BRINP2: variants seen among roughly 807,000 people sequenced by gnomAD.
The protein encoded by BRINP2 is BMP/retinoic acid-inducible neural-specific protein 2.
In BRINP2, 21 loss-of-function variants were observed where a neutral mutation model predicts 69.2. That is an observed-to-expected ratio of 0.30 (90% CI 0.22 to 0.44). The LOEUF (loss-of-function observed/expected upper bound fraction) is 0.44, where lower values mean the gene tolerates loss of function less well. Ranked by LOEUF, BRINP2 falls within the 20% of genes least tolerant of loss-of-function variation. BRINP2 has a pLI of 1.00. For missense variants in BRINP2, 877 were observed against 986.0 expected (o/e 0.89, Z 1.48); for synonymous variants, 380 against 394.1 (o/e 0.96, Z 0.42).
chr1:177,269,347 CT>C (rs1429631812), intron 4 of BRINP2, among the ~76,000 whole-genome samples: 8 of 152,356 alleles, frequency 5.3e-5, no homozygotes, highest in Non-Finnish European at 1.2e-4. Context: ...CATAGACATC[CT>C]GTCCATAATT....
rs559899072 is a variant in BRINP2 at position 177,239,000 on chromosome 1, G to A, written c.269+8855G>A. 5.9e-5 allele frequency among the ~76,000 whole-genome samples: 9 copies of A among 152,336 alleles called. No homozygotes were observed. The South Asian group carries it at 1.7e-3, about 28-fold the overall frequency. On this transcript the variant is annotated intron_variant, in intron 2 of 7. Coordinates refer to ENST00000361539, the MANE Select transcript of BRINP2 (RefSeq NM_021165.4). ...ACATAACTGATAAGAGGAAGAGCCA[G>A]CACTCAACCAATAAGACAGGGAACC...
chr1:177,234,103 C>A (rs1318843928), intron 2 of BRINP2, among the ~76,000 whole-genome samples: 1 of 152,192 alleles, frequency 6.6e-6, no homozygotes, highest in East Asian at 1.9e-4. Flanking sequence ...GCTAGAAGAA[C>A]AGAGGTCCTG....
At chr1:177,208,510 G>A (rs1367093801) in intron 1 of BRINP2, among the ~76,000 whole-genome samples, 1 of 152,178 alleles carries the variant, frequency 6.6e-6, no homozygotes, top group African/African-American at 2.4e-5. Flanking sequence ...CTAACTGCTG[G>A]TAACTGCCCT....
chr1:177,268,374 C>A (rs1651195493), intron 4 of BRINP2, among the ~76,000 whole-genome samples: 1 of 152,204 alleles, frequency 6.6e-6, no homozygotes. Context: ...TGGCTTCCAG[C>A]ACATTCATTA....
intron 1 of BRINP2, among the ~76,000 whole-genome samples, chr1:177,181,490 G>A (rs1174228687): frequency 3.9e-5 from 6 of 152,180 alleles, no homozygotes; most frequent in Non-Finnish European, 7.3e-5. Context: ...AGAGCGCGGA[G>A]ACTCCTGCTA....
chr1:177,206,926 A>T (rs916513765), intron 1 of BRINP2, among the ~76,000 whole-genome samples: 17 of 152,192 alleles, frequency 1.1e-4, no homozygotes, highest in African/African-American at 3.4e-4. Flanking sequence ...AGAAACATAC[A>T]GCCCCAGAGC....
chr1:177,214,208 G>C (rs1007510170), intron 1 of BRINP2, among the ~76,000 whole-genome samples: 3 of 152,124 alleles, frequency 2.0e-5, no homozygotes, highest in African/African-American at 7.2e-5. Context: ...GAGGTGGGTG[G>C]ATCATCTGAG....
At chr1:177,278,319 T>A (rs1215642662) in intron 6 of BRINP2, among the ~76,000 whole-genome samples, 5 of 152,144 alleles carry the variant, frequency 3.3e-5, no homozygotes, top group African/African-American at 7.2e-5. Context: ...GAGATCTGTT[T>A]TGAAATTCAG....
intron 1 of BRINP2, among the ~76,000 whole-genome samples, chr1:177,199,951 C>G (rs769065903): frequency 2.0e-5 from 3 of 152,224 alleles, no homozygotes; most frequent in Middle Eastern, 3.4e-3. Context: ...GTCCATTATT[C>G]TGACCTCTGA....
intron 1 of BRINP2, among the ~76,000 whole-genome samples, chr1:177,218,975 T>C (rs1649450318): frequency 6.6e-6 from 1 of 152,194 alleles, no homozygotes; most frequent in Non-Finnish European, 1.5e-5. Flanking sequence ...TAATCTATTA[T>C]TAAATAGATT....
intron 5 of BRINP2, 66 bp downstream of exon 5, chr1:177,273,659 A>G (rs748103083): frequency 8.5e-5 from 85 of 999,918 alleles, no homozygotes; most frequent in Non-Finnish European, 1.0e-4. Flanking sequence ...TTCCTAGATC[A>G]AATAGCGGGA....
chr1:177,197,670 G>C (rs1439470536), intron 1 of BRINP2, among the ~76,000 whole-genome samples: 1 of 152,052 alleles, frequency 6.6e-6, no homozygotes, highest in East Asian at 1.9e-4. Flanking sequence ...CCAGACTTTG[G>C]TATTGTGTTA....
intron 1 of BRINP2, among the ~76,000 whole-genome samples, chr1:177,199,198 CATG>C (rs1648831865): frequency 6.6e-6 from 1 of 152,166 alleles, no homozygotes; most frequent in Non-Finnish European, 1.5e-5. Flanking sequence ...AACTTGGCAG[CATG>C]ATAATTGTCT....
chr1:177,259,212 G>A (rs1650862837), intron 4 of BRINP2, among the ~76,000 whole-genome samples: 1 of 152,142 alleles, frequency 6.6e-6, no homozygotes, highest in Non-Finnish European at 1.5e-5. Flanking sequence ...TGAGTGGTCT[G>A]GATAGAAGAT....
At chr1:177,261,568 G>A (rs1359241330) in intron 4 of BRINP2, among the ~76,000 whole-genome samples, 1 of 152,212 alleles carries the variant, frequency 6.6e-6, no homozygotes, top group Non-Finnish European at 1.5e-5. Context: ...CATGTTGAAT[G>A]TGACATTCCT....
intron 1 of BRINP2, among the ~76,000 whole-genome samples, chr1:177,184,276 C>T (rs534022699): frequency 6.6e-6 from 1 of 152,196 alleles, no homozygotes; most frequent in African/African-American, 2.4e-5. Context: ...GGTTTTTTCC[C>T]CATAATTCAT....
At chr1:177,245,082 T>C (rs1650333011) in intron 2 of BRINP2, among the ~76,000 whole-genome samples, 1 of 152,094 alleles carries the variant, frequency 6.6e-6, no homozygotes, top group African/African-American at 2.4e-5. Flanking sequence ...ATAGTGACAA[T>C]TTAAAAATAT....
rs777480971 is a variant in BRINP2 at position 177,243,070 on chromosome 1, GT to G, written c.270-12846del. Among the ~76,000 whole-genome samples the G allele has an allele frequency of 2.3e-3, 355 of 151,992 alleles. 1 individual carries two copies. Among genetic ancestry groups the G allele is most frequent in the Non-Finnish European group, 2.6e-3 (175 of 68,002 alleles). On this transcript the variant is annotated intron_variant, in intron 2 of 7. Coordinates refer to ENST00000361539, the MANE Select transcript of BRINP2 (RefSeq NM_021165.4). ...GGTGATAACTGAAAAAAAAGATTTGGTTTATTTCTAGCTAAATGCTTATTCA... is the reference window on the plus strand; with the variant it reads ...GGTGATAACTGAAAAAAAAGATTTGGTTATTTCTAGCTAAATGCTTATTCA...
At chr1:177,244,538 G>A (rs1393940675) in intron 2 of BRINP2, among the ~76,000 whole-genome samples, 1 of 152,176 alleles carries the variant, frequency 6.6e-6, no homozygotes, top group Non-Finnish European at 1.5e-5. Flanking sequence ...GCTAAGGCAG[G>A]AGAATTGCTT....
Sources: allele counts gnomAD v4.1 joint callset (sites outside exome capture counted in the v4.1 genomes callset), GRCh38; gene constraint gnomAD v4.1.1; transcripts MANE v1.5; gene names NCBI Gene and HGNC (gene_info 2026-07-23, HGNC 2026-07-21).